The following COL5A2 variants were observed in gnomAD, a reference collection of about 807,000 sequenced individuals.
COL5A2 encodes the protein collagen alpha-2(V) chain.
A neutral mutation model predicts 208.2 loss-of-function variants in COL5A2; 23 were observed. That is an observed-to-expected ratio of 0.11 (90% CI 0.08 to 0.16). The LOEUF (loss-of-function observed/expected upper bound fraction) is 0.16, where lower values mean the gene tolerates loss of function less well. Among genes scored for constraint, COL5A2 ranks in the 10% least tolerant of loss-of-function variants. COL5A2 has a pLI of 1.00. For missense variants in COL5A2, 1,590 were observed against 1,956.4 expected (o/e 0.81, Z 3.53); for synonymous variants, 625 against 628.5 (o/e 0.99, Z 0.08).
intron 51 of COL5A2, among the ~76,000 whole-genome samples, chr2:189,038,073 A>G (rs1263260965): frequency 1.3e-5 from 2 of 152,110 alleles, no homozygotes; most frequent in African/African-American, 4.8e-5. Context: ...GTACCTGTGC[A>G]GATTTGTTAC....
chr2:189,166,404 C>A (rs1336600302), intron 1 of COL5A2, among the ~76,000 whole-genome samples: 1 of 151,962 alleles, frequency 6.6e-6, no homozygotes, highest in Admixed American at 6.6e-5. Context: ...TGAAATTATT[C>A]CAGTGAAATT....
At chr2:189,057,143 C>CTGGT in intron 34 of COL5A2, 117 bp from the exon 35 acceptor site, 1 of 1,229,184 alleles carries the variant, frequency 8.1e-7, no homozygotes, top group South Asian at 1.2e-5. Context: ...CCAGGTGAGC[C>CTGGT]TGGGATGGTG....
chr2:189,322,596 C>T, the COL5A2 span, among the ~76,000 whole-genome samples: 91,085 of 151,688 alleles, frequency 0.6, 29,159 homozygotes, highest in East Asian at 0.72. Context: ...ATAAATTCCT[C>T]GACACATACA....
chr2:189,085,057 G>T, intron 11 of COL5A2, 103 bp downstream of exon 11: 2 of 919,562 alleles, frequency 2.2e-6, no homozygotes, highest in South Asian at 1.4e-5. Context: ...CAAGCTAAAA[G>T]GGTGGGGAAA....
At chr2:189,088,913 C>A in intron 7 of COL5A2, 141 bp from the exon 8 acceptor site, 1 of 743,816 alleles carries the variant, frequency 1.3e-6, no homozygotes, top group South Asian at 1.6e-5. Context: ...ACTTTAAAGC[C>A]TGGAAAAAGA....
At chr2:189,294,046 A>G in the COL5A2 span, among the ~76,000 whole-genome samples, 1 of 150,516 alleles carries the variant, frequency 6.6e-6, no homozygotes, top group African/African-American at 2.4e-5. Context: ...TGAGATCATG[A>G]CACTGCACTC....
At chr2:189,178,102 A>G (rs1282246009) in intron 1 of COL5A2, among the ~76,000 whole-genome samples, 2 of 152,092 alleles carry the variant, frequency 1.3e-5, no homozygotes, top group Non-Finnish European at 2.9e-5. Flanking sequence ...CTTCCAAACA[A>G]CACATGCTTT....
chr2:189,199,357 A>G (rs1689043297), intron 1 of COL5A2, among the ~76,000 whole-genome samples: 1 of 152,228 alleles, frequency 6.6e-6, no homozygotes, highest in South Asian at 2.1e-4. Flanking sequence ...TCTAAAGAGT[A>G]AGATTCACAA....
At chr2:189,343,902 G>C in the COL5A2 span, among the ~76,000 whole-genome samples, 1 of 152,086 alleles carries the variant, frequency 6.6e-6, no homozygotes, top group Non-Finnish European at 1.5e-5. Context: ...ATAAAACGTA[G>C]ACAAAAATGT....
chr2:189,063,331 C>A (rs1360088184), intron 26 of COL5A2, 61 bp from the exon 27 acceptor site: 1 of 1,326,588 alleles, frequency 7.5e-7, no homozygotes, highest in East Asian at 2.3e-5. Flanking sequence ...ATAGCATCAC[C>A]CAAAGTGTCA....
At chr2:189,356,446 T>C in the COL5A2 span, among the ~76,000 whole-genome samples, 1 of 152,220 alleles carries the variant, frequency 6.6e-6, no homozygotes, top group Non-Finnish European at 1.5e-5. Context: ...TTTATTCTTT[T>C]TTCTCTAATC....
chr2:189,246,146 T>C, the COL5A2 span, among the ~76,000 whole-genome samples: 2 of 152,230 alleles, frequency 1.3e-5, no homozygotes, highest in Non-Finnish European at 2.9e-5. Flanking sequence ...AAGTATGTAA[T>C]GTGGAACTTT....
intron 49 of COL5A2, 136 bp downstream of exon 49, chr2:189,042,584 A>G (rs1685583920): frequency 1.3e-6 from 1 of 765,922 alleles, no homozygotes; most frequent in East Asian, 2.7e-5. Context: ...AGCTTGTCTC[A>G]TATGTGTGTT....
At chr2:189,091,359 T>C (rs770576296) in intron 7 of COL5A2, among the ~76,000 whole-genome samples, 10 of 152,314 alleles carry the variant, frequency 6.6e-5, no homozygotes, top group Middle Eastern at 3.4e-3. Flanking sequence ...ACTGTGAAGA[T>C]TGTTGAAATG....
At chr2:189,345,438 A>T in the COL5A2 span, among the ~76,000 whole-genome samples, 2 of 152,178 alleles carry the variant, frequency 1.3e-5, no homozygotes, top group African/African-American at 4.8e-5. Context: ...CTAAAATAGG[A>T]TCATGTGGGG....
the COL5A2 span, among the ~76,000 whole-genome samples, chr2:189,366,331 T>C: frequency 5.9e-5 from 9 of 152,212 alleles, no homozygotes; most frequent in Non-Finnish European, 1.5e-5. Flanking sequence ...TAGCAGTGGT[T>C]CTCAACAAAG....
At chr2:189,318,319 A>G in the COL5A2 span, among the ~76,000 whole-genome samples, 5 of 152,232 alleles carry the variant, frequency 3.3e-5, no homozygotes, top group Admixed American at 2.6e-4. Context: ...GTGTCAACCT[A>G]TATAATGCTG....
At chr2:189,312,310 T>C in the COL5A2 span, among the ~76,000 whole-genome samples, 1 of 152,124 alleles carries the variant, frequency 6.6e-6, no homozygotes, top group African/African-American at 2.4e-5. Flanking sequence ...TCGTTCTGGA[T>C]GTCTCCCATT....
At chr2:189,099,138 T>A (rs1193326849) in intron 4 of COL5A2, among the ~76,000 whole-genome samples, 1 of 152,074 alleles carries the variant, frequency 6.6e-6, no homozygotes, top group Non-Finnish European at 1.5e-5. Context: ...CCTCATAGAG[T>A]TATGAAGACA....
Sources: allele counts gnomAD v4.1 joint callset (sites outside exome capture counted in the v4.1 genomes callset), GRCh38; gene constraint gnomAD v4.1.1; transcripts MANE v1.5; gene names NCBI Gene and HGNC (gene_info 2026-07-23, HGNC 2026-07-21).